The following RIT1 variants were observed in gnomAD, a reference collection of about 807,000 sequenced individuals.
RIT1 encodes GTP-binding protein Rit1.
A neutral mutation model predicts 25.6 loss-of-function variants in RIT1; 6 were observed. The observed-to-expected ratio is 0.23, with a 90% CI of 0.13 to 0.46. RIT1 has a LOEUF of 0.46. Ranked by LOEUF, RIT1 falls within the 20% of genes least tolerant of loss-of-function variation. The pLI, the probability that RIT1 is intolerant of heterozygous loss-of-function variation, is 0.99. For synonymous variants in RIT1, 81 were observed against 94.1 expected, an observed-to-expected ratio of 0.86 and a Z score of 0.80; for missense variants, 219 against 284.4, an observed-to-expected ratio of 0.77 and a Z score of 1.65.
rs375874988 is a variant in RIT1, at chr1:155,902,929, G to A, written c.429+1382C>T. On this transcript the variant is annotated intron_variant, in intron 5 of 5. Transcript: ENST00000368323. ...TGTAATCCCAGCACTTTGGGAGGCC[G>A]AGGTGGGAAGATCATGAGGTCAGGA... 3.7e-4 allele frequency among the ~76,000 whole-genome samples: 56 copies of A among 151,708 alleles called. 1 individual carries two copies. In the South Asian group the frequency reaches 0.01, roughly 28 times the overall value.
At position 155,911,019 on chromosome 1, in the gene RIT1, T is replaced by C. The variant is rs1229845111; in HGVS notation, c.-43-215A>G. 2.8e-6 allele frequency: 3 copies of C among 1,056,378 alleles called. No homozygotes were observed. In the African/African-American group the frequency reaches 4.9e-5, roughly 17 times the overall value. The allele number at this position is 1,056,378 out of a possible 1,614,324, so 65.4% of individuals were successfully genotyped here. ...GTTCAGTCACATGACACATCACAGG[T>C]TTTACTTTTTCCAAAGAGAAAAATA... On this transcript the variant is annotated intron_variant, in intron 1 of 5. Coordinates refer to ENST00000368323, the MANE Select transcript of RIT1 (RefSeq NM_006912.6).
In RIT1 at chr1:155,900,508, C is replaced by T. The variant is rs369738767; in HGVS notation, c.540G>A (p.Arg180=). 6.8e-6 allele frequency: 11 copies of T among 1,613,966 alleles called. No individual in the cohort carries two copies. The highest frequency in any genetic ancestry group is 1.6e-4 in the Middle Eastern group (1 of 6,084). ...CCTCCTTTTCTTTCCTACGTATCTC[C>T]CGTACAAGGGCATGGAAAACATCAT... The part of the protein sequence containing the change: ...YIDDVFHALV[R]EIRRKEKEAV... The change falls in exon 6 of 6, where the codon CGG becomes CGA. Residue 180 remains arginine (R), a synonymous_variant. Coordinates refer to ENST00000368323, the MANE Select transcript of RIT1 (RefSeq NM_006912.6).
At chr1:155,905,244 T>C (rs2102585608) in intron 3 of RIT1, among the ~76,000 whole-genome samples, 1 of 152,060 alleles carries the variant, frequency 6.6e-6, no homozygotes, top group Middle Eastern at 3.4e-3. Flanking sequence ...TCACCCAGGC[T>C]GGAGTGCAGT....
chr1:155,910,309 A>T, intron 3 of RIT1, 141 bp downstream of exon 3: 1 of 686,368 alleles, frequency 1.5e-6, no homozygotes, highest in Non-Finnish European at 2.5e-6. Flanking sequence ...GTTGCTTACC[A>T]ACTGCTGATA....
At position 155,900,278 on chromosome 1, in the gene RIT1, T is replaced by C. The variant is rs1385360674; in HGVS notation, c.*110A>G. On this transcript the variant is annotated 3_prime_UTR_variant, in exon 6 of 6. Transcript: ENST00000368323. ...TCATTAAAAACTCCTAGTAGGCATG[T>C]CCCTCTTATCAGTTAAGTGAAAGAG... 8.1e-6 allele frequency: 6 copies of C among 739,448 alleles called. No individual in the cohort carries two copies. The highest frequency in any genetic ancestry group is 5.2e-5 in the African/African-American group (3 of 57,150). The allele number at this position is 739,448 out of a possible 1,614,324, so 45.8% of individuals were successfully genotyped here. A position where few individuals can be genotyped will look rare whatever the true frequency, so the allele number is the denominator to read the frequency against.
intron 3 of RIT1, among the ~76,000 whole-genome samples, chr1:155,906,267 C>A (rs1049056051): frequency 4.6e-5 from 7 of 152,142 alleles, no homozygotes; most frequent in African/African-American, 1.7e-4. Context: ...ATATTTCATT[C>A]ACTTAACAAC....
chr1:155,910,890 A>C (rs767822483), intron 1 of RIT1, 86 bp from the exon 2 acceptor site: 3 of 1,571,384 alleles, frequency 1.9e-6, no homozygotes, highest in Non-Finnish European at 2.6e-6. Context: ...TTCCATACAT[A>C]TTCTGGCCTG....
Position 155,900,546 on chromosome 1 carries a change from G to T in RIT1, c.502C>A (p.Arg168Ser). 6.2e-7 allele frequency: 1 copy of T among 1,614,084 alleles called. No homozygotes were observed. The highest frequency in any genetic ancestry group is 1.7e-5 in the Admixed American group (1 of 60,004). Residue 168 changes from arginine (R) to serine (S), a missense_variant, in exon 6 of 6, where the codon CGC becomes AGC. Transcript: ENST00000368323. Reference sequence around the variant, plus strand: ...TGGAAAACATCATCAATATAGTAGCGGTATGCAGCAGATGTCTCAAAAAAG... The same window carrying T: ...TGGAAAACATCATCAATATAGTAGCTGTATGCAGCAGATGTCTCAAAAAAG... ...CPFFETSAAY[R>S]YYIDDVFHAL...
rs1201036901 is a variant in RIT1 at position 155,900,729 on chromosome 1, T to C, written c.430-111A>G. The C allele has an allele frequency of 6.1e-6, 5 of 825,934 alleles. No individual in the cohort carries two copies. In the East Asian group the frequency reaches 1.0e-4, roughly 17 times the overall value. The allele number at this position is 825,934 out of a possible 1,614,324, so 51.2% of individuals were successfully genotyped here. On this transcript the variant is annotated intron_variant, in intron 5 of 5. Coordinates refer to ENST00000368323, the MANE Select transcript of RIT1 (RefSeq NM_006912.6). ...AGAAAGCTTCTCAATTCTGGAGGTGTTCAAGCATACAGCACTAATTTTTGT... is the reference window on the plus strand; with the variant it reads ...AGAAAGCTTCTCAATTCTGGAGGTGCTCAAGCATACAGCACTAATTTTTGT...
intron 1 of RIT1, 91 bp downstream of exon 1, chr1:155,911,152 T>C: frequency 1.9e-6 from 1 of 531,708 alleles, no homozygotes; most frequent in Admixed American, 3.4e-5. Flanking sequence ...ACGTCTGCGG[T>C]ACCCAGAGGT....
chr1:155,907,886 C>T (rs1039075694), intron 3 of RIT1, among the ~76,000 whole-genome samples: 17 of 151,220 alleles, frequency 1.1e-4, no homozygotes, highest in Non-Finnish European at 2.2e-4. Flanking sequence ...GTCAGGAGAT[C>T]GAGACCATCC....
intron 5 of RIT1, 52 bp from the exon 6 acceptor site, chr1:155,900,670 C>A: frequency 6.7e-7 from 1 of 1,490,006 alleles, no homozygotes; most frequent in South Asian, 1.2e-5. Context: ...ATTAAATTGT[C>A]CAAAAACCTG....
chr1:155,910,771 G>C lies in RIT1; in HGVS notation c.-10C>G, dbSNP rs1400858363. On this transcript the variant is annotated 5_prime_UTR_variant, in exon 2 of 6. Coordinates refer to ENST00000368323, the MANE Select transcript of RIT1 (RefSeq NM_006912.6). ...GAGTTCCAGAATCCATTGTCCTCTT[G>C]GGGCCTTCCTCGGTTGCCCCGAGGA... 6.2e-7 allele frequency: 1 copy of C among 1,614,192 alleles called. No homozygotes were observed.
chr1:155,901,232 G>C (rs1673305817), intron 5 of RIT1, among the ~76,000 whole-genome samples: 1 of 152,146 alleles, frequency 6.6e-6, no homozygotes, highest in Non-Finnish European at 1.5e-5. Flanking sequence ...GGGCTTGGTG[G>C]CTCACACCTG....
intron 2 of RIT1, 64 bp from the exon 3 acceptor site, chr1:155,910,570 T>C (rs1274974623): frequency 5.6e-6 from 9 of 1,608,212 alleles, no homozygotes; most frequent in African/African-American, 5.3e-5. Context: ...ATTTTAAGTA[T>C]TAACATTGCA....
At chr1:155,901,914 A>G (rs1186207805) in intron 5 of RIT1, among the ~76,000 whole-genome samples, 16 of 152,126 alleles carry the variant, frequency 1.1e-4, no homozygotes, top group Non-Finnish European at 5.9e-5. Context: ...TCAGGAGTTC[A>G]AGACCAGCAT....
chr1:155,908,791 G>A (rs574006035), intron 3 of RIT1, among the ~76,000 whole-genome samples: 45 of 151,756 alleles, frequency 3.0e-4, no homozygotes, highest in Admixed American at 8.5e-4. Flanking sequence ...TCGAACTCCT[G>A]ACCTCAGGTG....
chr1:155,910,557 A>G, intron 2 of RIT1, 51 bp from the exon 3 acceptor site: 1 of 1,610,304 alleles, frequency 6.2e-7, no homozygotes, highest in Non-Finnish European at 8.5e-7. Context: ...ACCCACAGAG[A>G]GAATTTTAAG....
Position 155,900,256 on chromosome 1 carries a change from T to C in RIT1, c.*132A>G. 1 of 673,212 alleles carries C rather than the reference T, an allele frequency of 1.5e-6. No homozygotes were observed. Among genetic ancestry groups the C allele is most frequent in the Non-Finnish European group, 2.6e-6 (1 of 383,690 alleles). 41.7% of individuals were successfully genotyped at this position (673,212 alleles called of 1,614,324 possible). On this transcript the variant is annotated 3_prime_UTR_variant, in exon 6 of 6. Coordinates refer to ENST00000368323, the MANE Select transcript of RIT1 (RefSeq NM_006912.6). ...AGACAATACTTTAAATACCACATCATTAAAAACTCCTAGTAGGCATGTCCC... is the reference window on the plus strand; with the variant it reads ...AGACAATACTTTAAATACCACATCACTAAAAACTCCTAGTAGGCATGTCCC...
Sources: gnomAD v4.1 joint callset for allele counts (sites outside exome capture counted in the v4.1 genomes callset) on GRCh38, gnomAD v4.1.1 for gene constraint, MANE v1.5 for transcripts, NCBI Gene and HGNC (gene_info 2026-07-23, HGNC 2026-07-21) for gene names.